The following PITPNM2 variants were observed in gnomAD, a reference collection of about 807,000 sequenced individuals.
PITPNM2 encodes phosphatidylinositol transfer protein membrane associated 2.
Under a neutral mutation model 132.2 loss-of-function variants are expected in PITPNM2, and 35 were observed. That is an observed-to-expected ratio of 0.26 (90% confidence interval 0.20 to 0.35). The LOEUF is 0.35. Ranked by LOEUF, PITPNM2 falls within the 10% of genes least tolerant of loss-of-function variation. PITPNM2 has a pLI of 1.00. For missense variants in PITPNM2, 1,332 were observed against 1,912.0 expected (o/e 0.70, Z 5.66); for synonymous variants, 738 against 799.2 (o/e 0.92, Z 1.29).
chr12:123,110,855 C>G (rs2042820619), intron 1 of PITPNM2, among the ~76,000 whole-genome samples: 1 of 152,206 alleles, frequency 6.6e-6, no homozygotes. Flanking sequence ...GATTGGAGGA[C>G]TTCAGACCGC....
chr12:122,989,868 G>C lies in PITPNM2; in HGVS notation c.2650C>G (p.Pro884Ala), dbSNP rs748555031. 9 of 1,352,916 alleles carry C rather than the reference G, an allele frequency of 6.7e-6. No individual in the cohort carries two copies. Among genetic ancestry groups the C allele is most frequent in the South Asian group, 3.9e-5 (2 of 51,328 alleles). 83.8% of individuals were successfully genotyped at this position (1,352,916 alleles called of 1,614,324 possible). ...TTCCTGGCTGGAGGGTGGGGGCCAGGGGTGGTGGGGCTGGGGGCGGGCAGG... is the reference window on the plus strand; with the variant it reads ...TTCCTGGCTGGAGGGTGGGGGCCAGCGGTGGTGGGGCTGGGGGCGGGCAGG... The part of the protein sequence containing the change: ...LALPAPSPTT[P>A]GPHPPARKAS... Residue 884 changes from proline (P) to alanine (A), a missense_variant, in exon 18 of 26, where the codon CCT becomes GCT. Coordinates refer to ENST00000320201, the MANE Select transcript of PITPNM2 (RefSeq NM_020845.3).
intron 8 of PITPNM2, 84 bp from the exon 9 acceptor site, chr12:123,001,242 G>A (rs1566239617): frequency 1.4e-5 from 14 of 1,034,448 alleles, no homozygotes; most frequent in South Asian, 3.9e-5. Context: ...CCCTGTGTAC[G>A]GCTCTGCTCT....
At chr12:123,139,377 T>C (rs931610013) in intron 1 of PITPNM2, among the ~76,000 whole-genome samples, 1 of 151,758 alleles carries the variant, frequency 6.6e-6, no homozygotes, top group Non-Finnish European at 1.5e-5. Flanking sequence ...GGCGGGCGCC[T>C]GTAGTCCCAG....
chr12:123,099,414 A>G lies in PITPNM2; in HGVS notation c.-96+10971T>C, dbSNP rs2042496733. ...CTGCCAGGGCTTGACTGGCGGGACAAGTGGGATACTCCTCTACAGAGAGGG... is the reference window on the plus strand; with the variant it reads ...CTGCCAGGGCTTGACTGGCGGGACAGGTGGGATACTCCTCTACAGAGAGGG... On this transcript the variant is annotated intron_variant, in intron 2 of 25. Transcript: ENST00000320201. The surrounding 1 kb of genome is among the most constrained non-coding windows in gnomAD (Gnocchi z 4.2). Among the ~76,000 whole-genome samples the G allele has an allele frequency of 6.6e-6, 1 of 152,116 alleles. No individual in the cohort carries two copies. The highest frequency in any genetic ancestry group is 1.9e-4 in the East Asian group (1 of 5,186).
In PITPNM2 at chr12:123,096,922, C is replaced by A. The variant is rs1336607352; in HGVS notation, c.-96+13463G>T. ...ACGAGGCCCAGGGAAGCTAGAGGAA[C>A]TAAAGGATGCTGGACTGGTGCCACT... On this transcript the variant is annotated intron_variant, in intron 2 of 25. Coordinates refer to ENST00000320201, the MANE Select transcript of PITPNM2 (RefSeq NM_020845.3). Among the ~76,000 whole-genome samples, 3 of 152,214 alleles carry A rather than the reference C, an allele frequency of 2.0e-5. No homozygotes were observed. The East Asian group carries it at 5.8e-4, about 29-fold the overall frequency.
intron 2 of PITPNM2, among the ~76,000 whole-genome samples, chr12:123,041,510 G>A (rs1019727112): frequency 6.6e-5 from 10 of 152,164 alleles, no homozygotes; most frequent in South Asian, 2.1e-4. Flanking sequence ...AGACCCTCCC[G>A]TATCAGAGCA....
Position 122,992,741 on chromosome 12 carries a change from G to C in PITPNM2, c.2234-72C>G, listed in dbSNP as rs576736971. ...GCAGTGGTGGGGGTGGGAAATTTGG[G>C]AACTGGGCACTGGGTTGTCTGCTGA... On this transcript the variant is annotated intron_variant, in intron 15 of 25. Coordinates refer to ENST00000320201, the MANE Select transcript of PITPNM2 (RefSeq NM_020845.3). The surrounding 1 kb of genome is among the most constrained non-coding windows in gnomAD (Gnocchi z 6.5). The C allele has an allele frequency of 2.4e-6, 3 of 1,253,982 alleles. No homozygotes were observed. The highest frequency in any genetic ancestry group is 3.3e-6 in the Non-Finnish European group (3 of 906,292). The allele number at this position is 1,253,982 out of a possible 1,614,324, so 77.7% of individuals were successfully genotyped here.
chr12:123,086,049 C>T lies in PITPNM2; in HGVS notation c.-96+24336G>A, dbSNP rs369867727. ...CACCCTTTTCCTGAAATGCACTTCC[C>T]GATATTCCGTAACCTGCTTCCTACG... On this transcript the variant is annotated intron_variant, in intron 2 of 25. Transcript: ENST00000320201. Among the ~76,000 whole-genome samples the T allele has an allele frequency of 3.0e-4, 46 of 152,350 alleles. 1 individual carries two copies. The highest frequency in any genetic ancestry group is 2.7e-3 in the Admixed American group (41 of 15,310).
chr12:122,998,355 C>G (rs1472884937), intron 10 of PITPNM2, among the ~76,000 whole-genome samples: 4 of 152,240 alleles, frequency 2.6e-5, no homozygotes, highest in Non-Finnish European at 4.4e-5. Flanking sequence ...TAGACCTGCA[C>G]ACTTGTGTAG....
chr12:123,113,949 A>G (rs1281948011), intron 1 of PITPNM2, among the ~76,000 whole-genome samples: 1 of 152,206 alleles, frequency 6.6e-6, no homozygotes, highest in Non-Finnish European at 1.5e-5. Flanking sequence ...TATAATATGT[A>G]TCCTTTTGTG....
At chr12:123,138,437 T>C (rs546562451) in intron 1 of PITPNM2, among the ~76,000 whole-genome samples, 4 of 152,112 alleles carry the variant, frequency 2.6e-5, no homozygotes, top group Non-Finnish European at 2.9e-5. Context: ...GAGACCCTGT[T>C]TCAAAAATAA....
At chr12:123,151,617 C>T (rs749917266), upstream of PITPNM2, among the ~76,000 whole-genome samples, 2 of 152,224 alleles carry the variant, frequency 1.3e-5, no homozygotes, top group Non-Finnish European at 2.9e-5. Flanking sequence ...GAGCCGGGAG[C>T]GCAGCCGTCC....
At chr12:122,997,225 C>T (rs930324461) in intron 11 of PITPNM2, 100 bp downstream of exon 11, 123 of 1,542,348 alleles carry the variant, frequency 8.0e-5, no homozygotes, top group African/African-American at 2.6e-4. Flanking sequence ...GTCTGGACAT[C>T]GGGGCAGGAG....
chr12:123,065,441 C>T (rs147389178), intron 2 of PITPNM2, among the ~76,000 whole-genome samples: 13 of 152,332 alleles, frequency 8.5e-5, no homozygotes, highest in African/African-American at 2.4e-4. Flanking sequence ...GGGGAACCAA[C>T]GGGGCTGGCA....
intron 6 of PITPNM2, chr12:123,007,437 A>G (rs1372314717): frequency 4.4e-6 from 2 of 456,034 alleles, no homozygotes; most frequent in Non-Finnish European, 8.8e-6. Flanking sequence ...ACCTGGGAGA[A>G]GCAATCTCAG....
At chr12:123,103,750 T>C (rs1360681172) in intron 2 of PITPNM2, among the ~76,000 whole-genome samples, 1 of 152,182 alleles carries the variant, frequency 6.6e-6, no homozygotes, top group African/African-American at 2.4e-5. Flanking sequence ...CTTCTTTTCT[T>C]AGGCCTCAGT....
intron 2 of PITPNM2, among the ~76,000 whole-genome samples, chr12:123,107,304 A>G (rs561886221): frequency 2.0e-5 from 3 of 152,348 alleles, no homozygotes; most frequent in African/African-American, 7.2e-5. Flanking sequence ...TGGCAATGCC[A>G]GAAGCTCTGC....
At chr12:122,989,589 T>A (rs894078716) in intron 18 of PITPNM2, among the ~76,000 whole-genome samples, 198 bp downstream of exon 18, 2 of 152,088 alleles carry the variant, frequency 1.3e-5, no homozygotes, top group African/African-American at 2.4e-5. Flanking sequence ...TCACTCCAGC[T>A]CCGTGGGGTC....
rs983211933 is a variant in PITPNM2 at position 123,078,867 on chromosome 12, G to C, written c.-96+31518C>G. Reference sequence around the variant, plus strand: ...GCTTCGATACTGGCTTCAGCCACCTGGCCCCACTCATACTGGGAGCAGCGA... The same window carrying C: ...GCTTCGATACTGGCTTCAGCCACCTCGCCCCACTCATACTGGGAGCAGCGA... On this transcript the variant is annotated intron_variant, in intron 2 of 25. Coordinates refer to ENST00000320201, the MANE Select transcript of PITPNM2 (RefSeq NM_020845.3). This position sits in a 1 kb window ranked among gnomAD's most constrained non-coding sequence, Gnocchi z 7.3. Among the ~76,000 whole-genome samples, 5 of 152,210 alleles carry C rather than the reference G, an allele frequency of 3.3e-5. No homozygotes were observed. Among genetic ancestry groups the C allele is most frequent in the Non-Finnish European group, 7.3e-5 (5 of 68,040 alleles).
Sources: gnomAD v4.1 joint callset for allele counts (sites outside exome capture counted in the v4.1 genomes callset) on GRCh38, gnomAD v4.1.1 for gene constraint, Gnocchi (gnomAD v3.1) non-coding constraint, MANE v1.5 for transcripts, NCBI Gene and HGNC (gene_info 2026-07-23, HGNC 2026-07-21) for gene names.